COP1: variants seen among roughly 807,000 people sequenced by gnomAD.
COP1 encodes the protein COP1 E3 ubiquitin ligase, also known as E3 ubiquitin-protein ligase COP1.
Under a neutral mutation model 101.3 loss-of-function variants are expected in COP1, and 24 were observed. That is an observed-to-expected ratio of 0.24 (90% CI 0.17 to 0.33). The LOEUF (loss-of-function observed/expected upper bound fraction) is 0.33, where lower values mean the gene tolerates loss of function less well. COP1 is among the 10% of genes least tolerant of loss of function. The pLI is 1.00. For synonymous variants in COP1, 347 were observed against 341.9 expected (o/e 1.01, Z -0.17); for missense variants, 663 against 906.2 (o/e 0.73, Z 3.45).
At chr1:175,971,646 T>C (rs1653264898) in intron 18 of COP1, among the ~76,000 whole-genome samples, 1 of 152,200 alleles carries the variant, frequency 6.6e-6, no homozygotes, top group South Asian at 2.1e-4. Flanking sequence ...CCATGAGCTA[T>C]TTCTGAGTTG....
chr1:175,953,143 C>T (rs890594856), intron 18 of COP1, among the ~76,000 whole-genome samples: 11 of 151,906 alleles, frequency 7.2e-5, no homozygotes, highest in African/African-American at 2.7e-4. Context: ...TTATAAGATT[C>T]TTCCATTATA....
At chr1:176,148,028 A>G (rs919397993) in intron 6 of COP1, among the ~76,000 whole-genome samples, 1 of 152,032 alleles carries the variant, frequency 6.6e-6, no homozygotes, top group East Asian at 1.9e-4. Flanking sequence ...ATATTGCACC[A>G]CCAGACATTT....
intron 15 of COP1, among the ~76,000 whole-genome samples, chr1:175,996,745 A>T (rs1288110669): frequency 1.3e-5 from 2 of 152,200 alleles, no homozygotes; most frequent in African/African-American, 4.8e-5. Flanking sequence ...AGTGAAATAA[A>T]AGAGGATACA....
intron 18 of COP1, among the ~76,000 whole-genome samples, chr1:175,959,446 G>A (rs891464094): frequency 6.6e-6 from 1 of 151,918 alleles, no homozygotes; most frequent in African/African-American, 2.4e-5. Flanking sequence ...AGATGTTCTG[G>A]CCATCAAAAT....
intron 18 of COP1, among the ~76,000 whole-genome samples, chr1:175,951,437 A>AAAAT (rs1320545568): frequency 9.3e-6 from 1 of 108,018 alleles, no homozygotes; most frequent in African/African-American, 3.4e-5. Flanking sequence ...AAGATACGTG[A>AAAAT]ATATATATAT....
chr1:176,199,150 T>C (rs1700019983), intron 1 of COP1, among the ~76,000 whole-genome samples: 1 of 152,052 alleles, frequency 6.6e-6, no homozygotes, highest in South Asian at 2.1e-4. Flanking sequence ...ACCCCATCTC[T>C]ACTAAAAATA....
chr1:176,098,267 A>G (rs747541659), intron 9 of COP1, among the ~76,000 whole-genome samples: 24 of 152,218 alleles, frequency 1.6e-4, no homozygotes, highest in Admixed American at 2.6e-4. Context: ...CCAGGTTTTA[A>G]AGGTAAAATT....
At chr1:175,987,597 A>C (rs1657427528) in intron 17 of COP1, among the ~76,000 whole-genome samples, 1 of 152,182 alleles carries the variant, frequency 6.6e-6, no homozygotes, top group Non-Finnish European at 1.5e-5. Context: ...GAATTATTCT[A>C]TTAATGGTCT....
intron 1 of COP1, among the ~76,000 whole-genome samples, chr1:176,205,021 G>C (rs1387676520): frequency 6.6e-6 from 1 of 152,216 alleles, no homozygotes; most frequent in Non-Finnish European, 1.5e-5. Context: ...CTGGCCGACA[G>C]TGAATGTCAT....
chr1:176,149,123 A>C (rs762365218), intron 5 of COP1, 49 bp from the exon 6 acceptor site: 1 of 1,256,286 alleles, frequency 8.0e-7, no homozygotes, highest in African/African-American at 1.5e-5. Flanking sequence ...AACTGAGTTG[A>C]AAGTTTTCTT....
chr1:176,134,430 T>G (rs1689467999), intron 8 of COP1, among the ~76,000 whole-genome samples: 2 of 152,012 alleles, frequency 1.3e-5, no homozygotes, highest in Admixed American at 1.3e-4. Context: ...TACAAATACC[T>G]ACTACTAAAT....
chr1:176,145,905 G>C (rs80156138), intron 6 of COP1, among the ~76,000 whole-genome samples: 11,781 of 152,090 alleles, frequency 0.077, 1,238 homozygotes, highest in African/African-American at 0.24. Flanking sequence ...GGGTGGTCAG[G>C]GTGCTTCAGC....
chr1:176,139,295 A>C (rs557457684), intron 6 of COP1, among the ~76,000 whole-genome samples: 4 of 151,910 alleles, frequency 2.6e-5, no homozygotes, highest in African/African-American at 9.7e-5. Context: ...AAACAAAAAA[A>C]AAAAACAAAA....
In COP1 at chr1:176,091,704, C is replaced by G. The variant is rs541040175; in HGVS notation, c.1027-5814G>C. Among the ~76,000 whole-genome samples, 6 of 151,454 alleles carry G rather than the reference C, an allele frequency of 4.0e-5. No individual in the cohort carries two copies. In the East Asian group the frequency reaches 9.7e-4, roughly 25 times the overall value. ...GCACAGTGATAGAACAGGTAACAAT[C>G]GAACCAGAAGAGGGATGGTGGGGGA... On this transcript the variant is annotated intron_variant, in intron 9 of 19. Coordinates refer to ENST00000367669, the MANE Select transcript of COP1 (RefSeq NM_022457.7).
At chr1:176,029,022 G>T (rs1369019155) in intron 14 of COP1, among the ~76,000 whole-genome samples, 1 of 151,838 alleles carries the variant, frequency 6.6e-6, no homozygotes, top group Non-Finnish European at 1.5e-5. Flanking sequence ...ACAAAATGTT[G>T]AGATTACAGA....
chr1:176,058,135 T>TGC (rs1553244711), intron 11 of COP1, among the ~76,000 whole-genome samples: 1 of 68,112 alleles, frequency 1.5e-5, no homozygotes, highest in African/African-American at 5.1e-5. Flanking sequence ...GGAGGTGGGG[T>TGC]GGGGGGGGGG....
At chr1:176,198,376 T>A (rs1292341611) in intron 1 of COP1, among the ~76,000 whole-genome samples, 2 of 152,134 alleles carry the variant, frequency 1.3e-5, no homozygotes. Context: ...GAAAATTCAA[T>A]GAACAGAGAT....
At chr1:175,948,878 A>C (rs1045456159) in intron 18 of COP1, among the ~76,000 whole-genome samples, 3 of 151,996 alleles carry the variant, frequency 2.0e-5, no homozygotes, top group Non-Finnish European at 4.4e-5. Context: ...AAATAGTAAC[A>C]TGGGGGCTGG....
intron 9 of COP1, among the ~76,000 whole-genome samples, chr1:176,104,021 G>C (rs1172441213): frequency 6.6e-6 from 1 of 152,074 alleles, no homozygotes; most frequent in African/African-American, 2.4e-5. Flanking sequence ...AGAAGTATCA[G>C]ACATTAAAAC....
Sources: allele counts gnomAD v4.1 joint callset (sites outside exome capture counted in the v4.1 genomes callset), GRCh38; gene constraint gnomAD v4.1.1; transcripts MANE v1.5; gene names NCBI Gene and HGNC (gene_info 2026-07-23, HGNC 2026-07-21).